The following ACTR3C variants were observed in gnomAD, a reference collection of about 807,000 sequenced individuals.
ACTR3C encodes the protein actin-related protein 3C.
In ACTR3C, 18 loss-of-function variants were observed where a neutral mutation model predicts 26.3. The ratio of observed to expected loss-of-function variants is 0.68; its 90% confidence interval spans 0.47 to 1.01. ACTR3C has a LOEUF of 1.01. ACTR3C is among the 50% of genes least tolerant of loss of function. The pLI is 0.00. For synonymous variants in ACTR3C, 55 were observed against 94.5 expected (o/e 0.58, Z 2.42); for missense variants, 184 against 250.7 (o/e 0.73, Z 1.80).
chr7:150,245,783 G>A (rs767658707), downstream of ACTR3C: 3 of 152,234 alleles, frequency 2.0e-5, no homozygotes, highest in Non-Finnish European at 4.4e-5. Flanking sequence ...TATTCGCACA[G>A]GAGATAGCAA....
the ACTR3C span, among the ~76,000 whole-genome samples, chr7:150,036,721 G>C: frequency 2.2e-5 from 3 of 137,214 alleles, no homozygotes; most frequent in Admixed American, 7.0e-5. Context: ...AGCTGGAGCT[G>C]CGTTCGGACC....
At chr7:149,907,478 T>TTCTCTC in the ACTR3C span, among the ~76,000 whole-genome samples, 6 of 97,604 alleles carry the variant, frequency 6.1e-5, no homozygotes, top group African/African-American at 1.1e-4. Flanking sequence ...CTCTCTTCTC[T>TTCTCTC]TCTCTCTCTC....
chr7:149,915,156 A>G, the ACTR3C span, among the ~76,000 whole-genome samples: 14,726 of 152,086 alleles, frequency 0.097, 2,273 homozygotes, highest in African/African-American at 0.33. Context: ...GATTGCAGGC[A>G]TGAGCCACCG....
the ACTR3C span, among the ~76,000 whole-genome samples, chr7:150,008,570 T>C: frequency 6.6e-6 from 1 of 152,086 alleles, no homozygotes; most frequent in Non-Finnish European, 1.5e-5. Context: ...CTCTTAAAAA[T>C]GTGTCTCCTA....
chr7:149,942,108 TGGTGTGTGTGCA>T, the ACTR3C span, among the ~76,000 whole-genome samples: 1 of 151,044 alleles, frequency 6.6e-6, no homozygotes, highest in Non-Finnish European at 1.5e-5. Flanking sequence ...TCCTGAGCTT[TGGTGTGTGTGCA>T]GGTGTGTGTG....
chr7:150,264,262 C>T (rs1161765555), intron 6 of ACTR3C, among the ~76,000 whole-genome samples: 1 of 152,236 alleles, frequency 6.6e-6, no homozygotes, highest in Non-Finnish European at 1.5e-5. Context: ...CTCCAAGTGT[C>T]CAGCTCAGCA....
the ACTR3C span, among the ~76,000 whole-genome samples, chr7:149,922,077 C>T: frequency 1.4e-5 from 2 of 143,288 alleles, no homozygotes; most frequent in Non-Finnish European, 3.1e-5. Context: ...CAACTCTTCG[C>T]CATGCTTACA....
In ACTR3C at chr7:150,274,312, C is replaced by T. The variant is rs1398647901; in HGVS notation, c.564+10441G>A. 1.8e-4 allele frequency among the ~76,000 whole-genome samples: 28 copies of T among 152,310 alleles called. No individual in the cohort carries two copies. The highest frequency in any genetic ancestry group is 7.2e-4 in the Admixed American group (11 of 15,306). On this transcript the variant is annotated intron_variant, in intron 6 of 7. Coordinates refer to ENST00000683684, the MANE Select transcript of ACTR3C (RefSeq NM_001164458.2). The surrounding 1 kb of genome is among the most constrained non-coding windows in gnomAD (Gnocchi z 4.1). ...TCAGCGCCATTTTCCCAAAAGCACA[C>T]GCTCACTTCGTGTCTCTGTATCAGC...
At chr7:149,996,657 C>T in the ACTR3C span, among the ~76,000 whole-genome samples, 5 of 151,824 alleles carry the variant, frequency 3.3e-5, no homozygotes, top group African/African-American at 7.2e-5. Context: ...ATAATCTAAT[C>T]GAAACCTTTT....
chr7:149,891,012 T>C, the ACTR3C span: 1 of 697,996 alleles, frequency 1.4e-6, no homozygotes, highest in Non-Finnish European at 2.1e-6. Flanking sequence ...TTTGGTGAGC[T>C]AACAAGCCCC....
At chr7:150,037,423 TAGGGGATGG>T in the ACTR3C span, among the ~76,000 whole-genome samples, 1 of 28,856 alleles carries the variant, frequency 3.5e-5, no homozygotes, top group African/African-American at 1.2e-4. Flanking sequence ...GTGGAGGAAC[TAGGGGATGG>T]CTCTCAATCC....
chr7:150,186,959 C>A, the ACTR3C span, among the ~76,000 whole-genome samples: 8 of 151,972 alleles, frequency 5.3e-5, no homozygotes, highest in Non-Finnish European at 1.2e-4. Flanking sequence ...AGTAGAGAAG[C>A]CTTTCTCAAA....
chr7:150,209,300 G>A, the ACTR3C span, among the ~76,000 whole-genome samples: 2 of 143,456 alleles, frequency 1.4e-5, no homozygotes, highest in Non-Finnish European at 3.0e-5. Flanking sequence ...GAGAGAGAGA[G>A]AGACAGAAAC....
the ACTR3C span, among the ~76,000 whole-genome samples, chr7:150,166,713 T>C: frequency 5.1e-4 from 76 of 150,186 alleles, 8 homozygotes; most frequent in African/African-American, 1.9e-3. Context: ...AAAAAAGTTT[T>C]GTTAACTGTA....
chr7:150,167,927 A>G, the ACTR3C span, among the ~76,000 whole-genome samples: 101,611 of 150,314 alleles, frequency 0.68, 35,647 homozygotes, highest in East Asian at 0.84. Context: ...AGATGGGTAT[A>G]GCTGACGAGT....
chr7:150,303,466 A>T (rs1301777022), intron 1 of ACTR3C, among the ~76,000 whole-genome samples: 2 of 152,252 alleles, frequency 1.3e-5, no homozygotes, highest in African/African-American at 4.8e-5. Flanking sequence ...TACTGCTTTT[A>T]TACTTCTATT....
the ACTR3C span, among the ~76,000 whole-genome samples, chr7:150,109,476 A>G: frequency 6.6e-6 from 1 of 151,852 alleles, no homozygotes; most frequent in African/African-American, 2.4e-5. Flanking sequence ...TGCCCTCTTC[A>G]AATGCTGTGA....
At chr7:150,227,688 G>GTGTTTT in the ACTR3C span, among the ~76,000 whole-genome samples, 36 of 111,372 alleles carry the variant, frequency 3.2e-4, 1 homozygote, top group East Asian at 1.1e-3. Context: ...TTGTGTCTGG[G>GTGTTTT]TTTTTTTTTT....
chr7:149,918,709 A>C, the ACTR3C span, among the ~76,000 whole-genome samples: 15 of 152,210 alleles, frequency 9.9e-5, no homozygotes, highest in Admixed American at 8.5e-4. Flanking sequence ...ACAACAACAA[A>C]AAATTTAAAG....
Sources: allele counts gnomAD v4.1 joint callset (sites outside exome capture counted in the v4.1 genomes callset), GRCh38; gene constraint gnomAD v4.1.1; non-coding constraint Gnocchi (gnomAD v3.1); transcripts MANE v1.5; gene names NCBI Gene and HGNC (gene_info 2026-07-23, HGNC 2026-07-21).